RNF128: variants seen among roughly 807,000 people sequenced by gnomAD.
RNF128 encodes the protein ring finger protein 128.
In RNF128, 13 loss-of-function variants were observed where a neutral mutation model predicts 26.2. The observed-to-expected ratio is 0.50, with a 90% CI of 0.32 to 0.79. The LOEUF (loss-of-function observed/expected upper bound fraction) is 0.79. Ranked by LOEUF, RNF128 falls within the 30% of genes least tolerant of loss-of-function variation. The pLI, the probability that RNF128 is intolerant of heterozygous loss-of-function variation, is 0.03. For missense variants in RNF128, 315 were observed against 349.7 expected (o/e 0.90, Z 0.79); for synonymous variants, 149 against 142.5 (o/e 1.05, Z -0.32).
intron 1 of RNF128, among the ~76,000 whole-genome samples, chrX:106,764,105 G>A (rs1429324034): frequency 9.2e-6 from 1 of 109,227 alleles, no homozygotes; most frequent in Non-Finnish European, 1.9e-5. Flanking sequence ...TGGGGCTACA[G>A]GTGCCCGCCA....
chrX:106,774,236 A>G (rs1930426609), intron 2 of RNF128, among the ~76,000 whole-genome samples: 1 of 111,848 alleles, frequency 8.9e-6, no homozygotes, highest in African/African-American at 3.3e-5. Context: ...TATTTTACTG[A>G]GAAAATTGAA....
intron 1 of RNF128, among the ~76,000 whole-genome samples, chrX:106,765,984 T>C (rs1479833260): frequency 1.8e-5 from 2 of 109,110 alleles, no homozygotes; most frequent in African/African-American, 6.7e-5. Flanking sequence ...TTTTCTGTCT[T>C]GGTGATAGTT....
At chrX:106,788,999 A>G (rs1487161072) in intron 4 of RNF128, among the ~76,000 whole-genome samples, 1 of 82,248 alleles carries the variant, frequency 1.2e-5, no homozygotes, top group East Asian at 3.5e-4. Context: ...TATATATACT[A>G]TATACTGAGT....
chrX:106,719,015 G>T (rs149770262), intron 1 of RNF128, among the ~76,000 whole-genome samples: 1 of 112,177 alleles, frequency 8.9e-6, no homozygotes, highest in Non-Finnish European at 1.9e-5. Context: ...GAATACAAAG[G>T]CAGCCTTTGC....
chrX:106,739,562 T>G (rs1279675802), intron 1 of RNF128, among the ~76,000 whole-genome samples: 2 of 112,143 alleles, frequency 1.8e-5, no homozygotes, highest in Non-Finnish European at 3.8e-5. Flanking sequence ...ATGACAAATA[T>G]TCTTTTTTTG....
intron 1 of RNF128, among the ~76,000 whole-genome samples, chrX:106,749,193 C>T (rs776297794): frequency 3.1e-4 from 35 of 111,792 alleles, no homozygotes; most frequent in Non-Finnish European, 6.2e-4. Flanking sequence ...CACTGAAAAT[C>T]GGGAGATTAA....
intron 1 of RNF128, among the ~76,000 whole-genome samples, chrX:106,750,065 GTAAC>G (rs1929855352): frequency 8.9e-6 from 1 of 112,030 alleles, no homozygotes; most frequent in African/African-American, 3.2e-5. Flanking sequence ...AGTTCAATCT[GTAAC>G]TGAGTGAATA....
chrX:106,704,620 C>G (rs1404047441), intron 1 of RNF128, among the ~76,000 whole-genome samples: 1 of 110,154 alleles, frequency 9.1e-6, no homozygotes, highest in Non-Finnish European at 1.9e-5. Context: ...CACAGGGAAC[C>G]CACAGTGAAG....
At chrX:106,748,520 G>A (rs1929825272) in intron 1 of RNF128, among the ~76,000 whole-genome samples, 1 of 111,795 alleles carries the variant, frequency 8.9e-6, no homozygotes, top group Admixed American at 9.5e-5. Flanking sequence ...GCCAAGATAT[G>A]GAATCAGTCA....
At chrX:106,728,276 A>C (rs778449792) in intron 1 of RNF128, among the ~76,000 whole-genome samples, 278 of 111,865 alleles carry the variant, frequency 2.5e-3, no homozygotes, top group Non-Finnish European at 4.0e-3. Context: ...CACGTGTAAT[A>C]GCAGTGTATC....
At chrX:106,790,747 G>A (rs890285762) in intron 5 of RNF128, among the ~76,000 whole-genome samples, 3 of 110,947 alleles carry the variant, frequency 2.7e-5, no homozygotes, top group Non-Finnish European at 3.8e-5. Flanking sequence ...TGATTCTCAA[G>A]TTCCATAGGG....
chrX:106,724,512 T>C (rs1929363403), upstream of RNF128, among the ~76,000 whole-genome samples: 1 of 112,028 alleles, frequency 8.9e-6, no homozygotes, highest in Non-Finnish European at 1.9e-5. Context: ...CTGGCCCCCA[T>C]GTACCTCTCC....
chrX:106,705,153 C>T lies in RNF128; in HGVS notation c.406+10745C>T, dbSNP rs758692763. 6.3e-5 allele frequency among the ~76,000 whole-genome samples: 7 copies of T among 111,515 alleles called. No homozygotes were observed. In the East Asian group the frequency reaches 1.4e-3, roughly 23 times the overall value. ...AAATGACCTGAATATAAAACTAACC[C>T]GCCCTAGGTTTCCAAATGGAACTGC... is the stretch of plus-strand genomic sequence containing the variant. On this transcript the variant is annotated intron_variant, in intron 1 of 6. Transcript: ENST00000324342.
chrX:106,780,749 G>T (rs1397494530), intron 2 of RNF128, among the ~76,000 whole-genome samples: 1 of 112,143 alleles, frequency 8.9e-6, no homozygotes, highest in Non-Finnish European at 1.9e-5. Flanking sequence ...CACAATGGAG[G>T]CAGTGTACAA....
At chrX:106,710,529 G>A (rs777023046) in intron 1 of RNF128, among the ~76,000 whole-genome samples, 5 of 110,852 alleles carry the variant, frequency 4.5e-5, no homozygotes, top group South Asian at 7.6e-4. Context: ...AGGCTGAGGC[G>A]GGCAGATCAC....
intron 2 of RNF128, among the ~76,000 whole-genome samples, chrX:106,779,208 T>C (rs1455171729): frequency 1.8e-5 from 2 of 111,759 alleles, no homozygotes; most frequent in Admixed American, 1.9e-4. Flanking sequence ...TTTATACCAC[T>C]AATTCTTTTT....
At position 106,717,800 on chromosome X, in the gene RNF128, G is replaced by A. The variant is rs189716369; in HGVS notation, c.406+23392G>A. On this transcript the variant is annotated intron_variant, in intron 1 of 6. Coordinates refer to the RNF128 transcript ENST00000324342. ...TTAATGTAAAGATTAAGTGGGATTC[G>A]TCTAGCACATTTTTCCCTAGCAATA... is the stretch of plus-strand genomic sequence containing the variant. Among the ~76,000 whole-genome samples, 42 of 112,150 alleles carry A rather than the reference G, an allele frequency of 3.7e-4. No individual in the cohort carries two copies. The East Asian group carries it at 9.2e-3, about 25-fold the overall frequency.
intron 1 of RNF128, among the ~76,000 whole-genome samples, chrX:106,764,676 AAACAAC>A (rs747082714): frequency 1.1e-4 from 12 of 111,563 alleles, no homozygotes; most frequent in Non-Finnish European, 2.3e-4. Flanking sequence ...AAAAAAAACA[AAACAAC>A]AACAACAACA....
chrX:106,768,576 T>C (rs1930298741), intron 1 of RNF128, among the ~76,000 whole-genome samples: 1 of 112,102 alleles, frequency 8.9e-6, no homozygotes, highest in African/African-American at 3.2e-5. Flanking sequence ...CTTTATCATT[T>C]TTTATTGCAT....
Sources: gnomAD v4.1 joint callset for allele counts (sites outside exome capture counted in the v4.1 genomes callset) on GRCh38, gnomAD v4.1.1 for gene constraint, MANE v1.5 for transcripts, NCBI Gene and HGNC (gene_info 2026-07-23, HGNC 2026-07-21) for gene names.